STXBP5L: variants seen among roughly 807,000 people sequenced by gnomAD.
STXBP5L encodes syntaxin-binding protein 5-like.
A neutral mutation model predicts 144.5 loss-of-function variants in STXBP5L; 65 were observed. The ratio of observed to expected loss-of-function variants is 0.45; its 90% CI spans 0.37 to 0.55. STXBP5L has a LOEUF of 0.55. Ranked by LOEUF, STXBP5L falls within the 20% of genes least tolerant of loss-of-function variation. STXBP5L has a pLI of 0.00. For synonymous variants in STXBP5L, 505 were observed against 469.6 expected (o/e 1.08, Z -0.97); for missense variants, 1,298 against 1,405.5 (o/e 0.92, Z 1.22).
intron 8 of STXBP5L, among the ~76,000 whole-genome samples, chr3:121,156,753 T>C (rs2046127437): frequency 6.6e-6 from 1 of 151,876 alleles, no homozygotes; most frequent in Non-Finnish European, 1.5e-5. Context: ...TAATTTATAA[T>C]AATACAAATA....
intron 7 of STXBP5L, among the ~76,000 whole-genome samples, chr3:121,151,194 A>G (rs2045920536): frequency 6.6e-6 from 1 of 152,166 alleles, no homozygotes; most frequent in Admixed American, 6.6e-5. Flanking sequence ...TAGTACACTT[A>G]GTACAGTCAT....
chr3:121,176,237 C>G (rs1389945012), intron 9 of STXBP5L, among the ~76,000 whole-genome samples: 1 of 151,816 alleles, frequency 6.6e-6, no homozygotes, highest in Non-Finnish European at 1.5e-5. Flanking sequence ...ACAAGAGTAG[C>G]AGAATGCACA....
chr3:121,214,754 A>T (rs192753674), intron 10 of STXBP5L, among the ~76,000 whole-genome samples: 1 of 152,308 alleles, frequency 6.6e-6, no homozygotes. Flanking sequence ...AGTCCTGAAT[A>T]GCCTTGTTAA....
intron 22 of STXBP5L, among the ~76,000 whole-genome samples, chr3:121,401,894 TAAAAAA>T (rs71133532): frequency 6.5e-5 from 9 of 137,638 alleles, no homozygotes; most frequent in Non-Finnish European, 1.3e-4. Flanking sequence ...TAGAGTATAA[TAAAAAA>T]AAAAAAAAAA....
intron 2 of STXBP5L, among the ~76,000 whole-genome samples, chr3:120,931,441 T>C (rs145619721): frequency 6.6e-6 from 1 of 152,286 alleles, no homozygotes; most frequent in Non-Finnish European, 1.5e-5. Flanking sequence ...ATTACGGTCA[T>C]AGAGTGGCTT....
chr3:121,167,708 C>A (rs903139942), intron 9 of STXBP5L, among the ~76,000 whole-genome samples: 2 of 152,222 alleles, frequency 1.3e-5, no homozygotes, highest in African/African-American at 2.4e-5. Context: ...AAACCCTCAT[C>A]TCCCTGGGAG....
intron 9 of STXBP5L, among the ~76,000 whole-genome samples, chr3:121,165,840 C>G (rs1006856056): frequency 1.2e-4 from 19 of 152,108 alleles, no homozygotes; most frequent in African/African-American, 4.8e-5. Context: ...GTTGGAGATT[C>G]TCCGGGCACC....
At chr3:121,227,765 A>C (rs2049166680) in intron 11 of STXBP5L, among the ~76,000 whole-genome samples, 1 of 152,304 alleles carries the variant, frequency 6.6e-6, no homozygotes, top group Middle Eastern at 3.4e-3. Flanking sequence ...ATCATTTAAC[A>C]TAATAATCAT....
At chr3:120,944,749 T>C (rs1288333368) in intron 2 of STXBP5L, among the ~76,000 whole-genome samples, 2 of 151,818 alleles carry the variant, frequency 1.3e-5, no homozygotes, top group African/African-American at 4.8e-5. Flanking sequence ...TGGAGTTTCA[T>C]GGGAACTTGT....
At chr3:120,999,426 G>T (rs946692602) in intron 3 of STXBP5L, among the ~76,000 whole-genome samples, 2 of 151,728 alleles carry the variant, frequency 1.3e-5, no homozygotes, top group Non-Finnish European at 1.5e-5. Flanking sequence ...TTGCATGATA[G>T]ATCTTTCTCC....
chr3:121,114,828 A>G (rs1469115087), intron 5 of STXBP5L, 97 bp from the exon 6 acceptor site: 1 of 727,402 alleles, frequency 1.4e-6, no homozygotes, highest in East Asian at 3.2e-5. Context: ...ACATTTTATT[A>G]TTTATATAGC....
chr3:120,994,047 G>T (rs9866075), intron 3 of STXBP5L, among the ~76,000 whole-genome samples: 15,078 of 151,622 alleles, frequency 0.099, 1,179 homozygotes, highest in Admixed American at 0.2. Flanking sequence ...TTATTTTTGT[G>T]ACTGTTGTAA....
At chr3:120,968,327 G>T (rs1477258871) in intron 3 of STXBP5L, among the ~76,000 whole-genome samples, 2 of 152,062 alleles carry the variant, frequency 1.3e-5, no homozygotes, top group Non-Finnish European at 2.9e-5. Context: ...TCCTGTTATT[G>T]TATTGACCCC....
At chr3:121,040,806 CT>C (rs1947093537) in intron 3 of STXBP5L, among the ~76,000 whole-genome samples, 1 of 152,078 alleles carries the variant, frequency 6.6e-6, no homozygotes, top group African/African-American at 2.4e-5. Context: ...TATTTTCTCT[CT>C]TTCAGGGATC....
At chr3:121,255,947 T>G (rs1357128925) in intron 16 of STXBP5L, among the ~76,000 whole-genome samples, 1 of 152,124 alleles carries the variant, frequency 6.6e-6, no homozygotes, top group Admixed American at 6.5e-5. Context: ...CAGCTAAAAT[T>G]AATATCACCC....
intron 14 of STXBP5L, among the ~76,000 whole-genome samples, chr3:121,243,511 GAGAC>G (rs1449994916): frequency 6.7e-6 from 1 of 149,052 alleles, no homozygotes; most frequent in African/African-American, 2.5e-5. Flanking sequence ...AGCATACAAA[GAGAC>G]AGGGAAACAT....
At chr3:120,998,528 C>T (rs944518226) in intron 3 of STXBP5L, among the ~76,000 whole-genome samples, 5 of 152,114 alleles carry the variant, frequency 3.3e-5, no homozygotes, top group Non-Finnish European at 4.4e-5. Context: ...GCTATCCCTC[C>T]CCTAGCTGAC....
At chr3:121,097,233 G>A (rs2107763988) in intron 5 of STXBP5L, among the ~76,000 whole-genome samples, 1 of 152,308 alleles carries the variant, frequency 6.6e-6, no homozygotes, top group East Asian at 1.9e-4. Flanking sequence ...TGTTGGCAGT[G>A]AGAATTTCAA....
chr3:121,190,539 A>G (rs950414218), intron 9 of STXBP5L, among the ~76,000 whole-genome samples: 1 of 152,180 alleles, frequency 6.6e-6, no homozygotes, highest in East Asian at 1.9e-4. Context: ...CGCCATCGTC[A>G]TCATGGCCCC....
Sources: allele counts gnomAD v4.1 joint callset (sites outside exome capture counted in the v4.1 genomes callset), GRCh38; gene constraint gnomAD v4.1.1; transcripts MANE v1.5; gene names NCBI Gene and HGNC (gene_info 2026-07-23, HGNC 2026-07-21).